SLC10A7: variants seen among roughly 807,000 people sequenced by gnomAD.
The protein encoded by SLC10A7 is solute carrier family 10 member 7, also known as sodium/bile acid cotransporter 7.
In SLC10A7, 29 loss-of-function variants were observed where a neutral mutation model predicts 43.2. That is an observed-to-expected ratio of 0.67 (90% CI 0.50 to 0.92). The LOEUF (loss-of-function observed/expected upper bound fraction) is 0.92. Among genes scored for constraint, SLC10A7 ranks in the 40% least tolerant of loss-of-function variants. The pLI is 0.00. For missense variants in SLC10A7, 295 were observed against 403.2 expected, an observed-to-expected ratio of 0.73 and a Z score of 2.30; for synonymous variants, 152 against 144.8, an observed-to-expected ratio of 1.05 and a Z score of -0.35.
chr4:146,521,561 C>A, intron 1 of SLC10A7, 57 bp downstream of exon 1: 1 of 1,471,428 alleles, frequency 6.8e-7, no homozygotes, highest in Non-Finnish European at 9.4e-7. Context: ...TTCCAAGACT[C>A]ACAAATTAGT....
In SLC10A7 at chr4:146,303,866, A is replaced by G. The variant is rs1446570252; in HGVS notation, c.555+2060T>C. ...TTTACAACAACCCTTTACGATAGATATTATTGTCATAATATTTAATAAATT... is the reference window on the plus strand; with the variant it reads ...TTTACAACAACCCTTTACGATAGATGTTATTGTCATAATATTTAATAAATT... On this transcript the variant is annotated intron_variant, in intron 7 of 11. Coordinates refer to ENST00000335472, the MANE Select transcript of SLC10A7 (RefSeq NM_001029998.6). Among the ~76,000 whole-genome samples, 3 of 14,232 alleles carry G rather than the reference A, an allele frequency of 2.1e-4. No individual in the cohort carries two copies. The Admixed American group carries it at 2.6e-3, about 13-fold the overall frequency. The allele number at this position is 14,232 out of a possible 152,430, so 9.3% of individuals were successfully genotyped here. A position where few individuals can be genotyped will look rare whatever the true frequency, so the allele number is the denominator to read the frequency against.
chr4:146,335,561 A>T (rs1469313152), intron 5 of SLC10A7, among the ~76,000 whole-genome samples: 1 of 152,108 alleles, frequency 6.6e-6, no homozygotes, highest in East Asian at 1.9e-4. Context: ...TAGAAATATG[A>T]GACACAGAGA....
At chr4:146,438,979 C>T (rs191493117) in intron 5 of SLC10A7, among the ~76,000 whole-genome samples, 139 of 151,976 alleles carry the variant, frequency 9.1e-4, no homozygotes, top group African/African-American at 2.7e-3. Flanking sequence ...TCAGGGTGCT[C>T]GACTATCAAA....
intron 10 of SLC10A7, among the ~76,000 whole-genome samples, chr4:146,260,403 A>G (rs1394278220): frequency 6.6e-6 from 1 of 152,172 alleles, no homozygotes; most frequent in East Asian, 1.9e-4. Context: ...GGAGCAAGTG[A>G]TAGAAGTATC....
At chr4:146,322,948 T>C (rs1258399337) in intron 6 of SLC10A7, among the ~76,000 whole-genome samples, 1 of 152,212 alleles carries the variant, frequency 6.6e-6, no homozygotes, top group Non-Finnish European at 1.5e-5. Flanking sequence ...ATTGTGGTTT[T>C]GATTTGCATT....
At chr4:146,323,353 GT>G (rs1298197157) in intron 6 of SLC10A7, among the ~76,000 whole-genome samples, 1 of 152,060 alleles carries the variant, frequency 6.6e-6, no homozygotes, top group Non-Finnish European at 1.5e-5. Flanking sequence ...GGTTTTTATG[GT>G]TTTAGGTCTA....
intron 4 of SLC10A7, among the ~76,000 whole-genome samples, chr4:146,496,984 A>G (rs2150017295): frequency 6.6e-6 from 1 of 152,364 alleles, no homozygotes; most frequent in South Asian, 2.1e-4. Context: ...AATGGTGGAC[A>G]TAGAAGTGCA....
intron 4 of SLC10A7, among the ~76,000 whole-genome samples, chr4:146,476,681 A>G (rs148527404): frequency 7.2e-5 from 11 of 152,296 alleles, no homozygotes; most frequent in Non-Finnish European, 1.6e-4. Flanking sequence ...TTACTATTAA[A>G]AAACTTCAAG....
intron 5 of SLC10A7, among the ~76,000 whole-genome samples, chr4:146,339,029 A>C (rs1388166785): frequency 6.6e-6 from 1 of 151,912 alleles, no homozygotes; most frequent in Non-Finnish European, 1.5e-5. Context: ...CAATGAGGAC[A>C]GAGAAAGGAG....
intron 5 of SLC10A7, chr4:146,442,160 A>T (rs975691335): frequency 1.4e-4 from 137 of 969,642 alleles, no homozygotes; most frequent in Non-Finnish European, 1.7e-4. Context: ...TCATTTATTT[A>T]AAAATAATGA....
intron 5 of SLC10A7, among the ~76,000 whole-genome samples, chr4:146,432,022 G>C (rs886790643): frequency 1.3e-5 from 2 of 152,112 alleles, no homozygotes; most frequent in Non-Finnish European, 2.9e-5. Flanking sequence ...TGGCAAATAA[G>C]CACATAAAAA....
At chr4:146,503,780 A>C (rs911349768) in intron 4 of SLC10A7, 69 bp downstream of exon 4, 11 of 1,449,220 alleles carry the variant, frequency 7.6e-6, no homozygotes, top group Non-Finnish European at 8.7e-6. Context: ...ATGTCCAAAA[A>C]TGTGATATAT....
intron 10 of SLC10A7, among the ~76,000 whole-genome samples, chr4:146,260,450 T>C (rs1217915675): frequency 6.6e-6 from 1 of 152,194 alleles, no homozygotes; most frequent in Non-Finnish European, 1.5e-5. Flanking sequence ...AGAGCAGGAT[T>C]TGCTAACCCC....
intron 4 of SLC10A7, among the ~76,000 whole-genome samples, chr4:146,502,880 A>G (rs958824123): frequency 3.3e-5 from 5 of 152,224 alleles, no homozygotes; most frequent in Admixed American, 6.5e-5. Flanking sequence ...TGAGAAGGGC[A>G]GATGGAAGGA....
intron 2 of SLC10A7, chr4:146,513,928 T>A (rs796527997): frequency 2.0e-5 from 3 of 152,356 alleles, no homozygotes; most frequent in African/African-American, 7.2e-5. Flanking sequence ...TTTATTCATA[T>A]GTAATAAGGT....
intron 4 of SLC10A7, among the ~76,000 whole-genome samples, chr4:146,485,456 CT>C (rs1201454238): frequency 2.0e-5 from 3 of 152,182 alleles, no homozygotes; most frequent in Admixed American, 2.0e-4. Context: ...TTGGAAGAAG[CT>C]TCCTAACACC....
At chr4:146,279,605 T>C (rs80024322) in intron 10 of SLC10A7, among the ~76,000 whole-genome samples, 9,644 of 152,196 alleles carry the variant, frequency 0.063, 425 homozygotes, top group South Asian at 0.2. Flanking sequence ...AATATAAAAT[T>C]ACCTCCAACC....
chr4:146,504,731 T>A (rs1736742229), intron 3 of SLC10A7, among the ~76,000 whole-genome samples: 1 of 152,102 alleles, frequency 6.6e-6, no homozygotes, highest in African/African-American at 2.4e-5. Flanking sequence ...AGAAGAGCAG[T>A]TTTCAAATCT....
chr4:146,513,288 T>C lies in SLC10A7; in HGVS notation c.184-3239A>G, dbSNP rs1020092219. On this transcript the variant is annotated intron_variant, in intron 2 of 11. Coordinates refer to ENST00000335472, the MANE Select transcript of SLC10A7 (RefSeq NM_001029998.6). ...ATAATATTAAATTACATTAAAAGTA[T>C]ACAATGTTACATGAAAAGAATAGGA... 1.1e-3 allele frequency among the ~76,000 whole-genome samples: 170 copies of C among 152,128 alleles called. 1 individual carries two copies. The highest frequency in any genetic ancestry group is 3.6e-3 in the African/African-American group (150 of 41,562).
Sources: allele counts gnomAD v4.1 joint callset (sites outside exome capture counted in the v4.1 genomes callset), GRCh38; gene constraint gnomAD v4.1.1; transcripts MANE v1.5; gene names NCBI Gene and HGNC (gene_info 2026-07-23, HGNC 2026-07-21).